The following SGSM2 variants were observed in gnomAD, a reference collection of about 807,000 sequenced individuals.
SGSM2 encodes the protein small G protein signaling modulator 2.
Under a neutral mutation model 126.6 loss-of-function variants are expected in SGSM2, and 89 were observed. That is an observed-to-expected ratio of 0.70 (90% CI 0.59 to 0.84). SGSM2 has a LOEUF of 0.84. SGSM2 is among the 40% of genes least tolerant of loss of function. The probability of loss-of-function intolerance (pLI) is 0.00; values close to 1 mark genes in which losing one functional copy is unlikely to be tolerated. For missense variants in SGSM2, 1,404 were observed against 1,416.6 expected (o/e 0.99, Z 0.14); for synonymous variants, 614 against 574.3 (o/e 1.07, Z -0.99).
Position 2,380,329 on chromosome 17 carries a change from C to T in SGSM2, c.*809C>T, listed in dbSNP as rs564365810. The T allele has an allele frequency of 1.4e-5, 22 of 1,534,126 alleles. No individual in the cohort carries two copies. The highest frequency in any genetic ancestry group is 9.8e-5 in the Admixed American group (5 of 50,996). ...GCCAGTGGATGATCTGGAATGCGAC[C>T]GGAGCACTTGCTCTGAGGAATCCCA... On this transcript the variant is annotated 3_prime_UTR_variant, in exon 24 of 24. Transcript: ENST00000268989.
intron 2 of SGSM2, among the ~76,000 whole-genome samples, chr17:2,354,104 C>G (rs576634499): frequency 2.2e-4 from 33 of 152,184 alleles, no homozygotes; most frequent in African/African-American, 7.5e-4. Flanking sequence ...ATGGGGTCTC[C>G]CTGTGTTGCC....
rs1212702740 is a variant in SGSM2, at chr17:2,379,764, C to T, written c.*244C>T. On this transcript the variant is annotated 3_prime_UTR_variant, in exon 24 of 24. Coordinates refer to ENST00000268989, the MANE Select transcript of SGSM2 (RefSeq NM_014853.3). ...CTCAGGGAGCAGCTGCCTTGGGGGACACACCTACTCTGCTCCCCTCTCACA... is the reference window on the plus strand; with the variant it reads ...CTCAGGGAGCAGCTGCCTTGGGGGATACACCTACTCTGCTCCCCTCTCACA... The T allele has an allele frequency of 1.4e-6, 2 of 1,382,828 alleles. No individual in the cohort carries two copies. Among genetic ancestry groups the T allele is most frequent in the Admixed American group, 5.9e-5 (2 of 33,852 alleles). The allele number at this position is 1,382,828 out of a possible 1,614,324, so 85.7% of individuals were successfully genotyped here.
Position 2,379,929 on chromosome 17 carries a change from T to C in SGSM2, c.*409T>C. On this transcript the variant is annotated 3_prime_UTR_variant, in exon 24 of 24. Transcript: ENST00000268989. ...TGGGGTGGCAGAGGGCGAGAGGCTC[T>C]GTGCTGTGTCCCTTCTGAGGGTCCC... 1 of 1,319,100 alleles carries C rather than the reference T, an allele frequency of 7.6e-7. No homozygotes were observed. The highest frequency in any genetic ancestry group is 3.4e-5 in the Admixed American group (1 of 29,550). 81.7% of individuals were successfully genotyped at this position (1,319,100 alleles called of 1,614,324 possible).
intron 19 of SGSM2, 46 bp downstream of exon 19, chr17:2,376,307 C>CGCACTCG (rs200098096): frequency 1.9e-6 from 3 of 1,610,776 alleles, no homozygotes; most frequent in Admixed American, 3.3e-5. Flanking sequence ...GACCCTGCCG[C>CGCACTCG]CAGTTACTCT....
chr17:2,350,528 T>A (rs1323856144), intron 2 of SGSM2, among the ~76,000 whole-genome samples: 1 of 151,786 alleles, frequency 6.6e-6, no homozygotes, highest in Non-Finnish European at 1.5e-5. Flanking sequence ...GAGAATCGCT[T>A]GAACCCAGGT....
chr17:2,373,471 C>T lies in SGSM2; in HGVS notation c.2058C>T (p.His686=), dbSNP rs150892453. Residue 686 remains histidine, a synonymous_variant, in exon 17 of 24, where the codon CAC becomes CAT. Coordinates refer to ENST00000268989, the MANE Select transcript of SGSM2 (RefSeq NM_014853.3). ...CCTCAGGCAGCAGCATCGACAGCCA[C>T]GTGCAGCGCCTCATCCACCGAGACT... ...KFSSGSSIDS[H]VQRLIHRDST... The T allele has an allele frequency of 2.3e-4, 360 of 1,587,830 alleles. 1 individual carries two copies. In the East Asian group the frequency reaches 2.4e-3, roughly 11 times the overall value.
At chr17:2,361,170 G>T (rs764884461) in intron 2 of SGSM2, among the ~76,000 whole-genome samples, 1 of 152,232 alleles carries the variant, frequency 6.6e-6, no homozygotes, top group Non-Finnish European at 1.5e-5. Context: ...CAGTCCAGCG[G>T]CCACTGTCGG....
intron 18 of SGSM2, 42 bp downstream of exon 18, chr17:2,375,917 G>A (rs569892231): frequency 2.7e-6 from 4 of 1,509,256 alleles, no homozygotes; most frequent in South Asian, 2.6e-5. Context: ...CGCCCCAGAG[G>A]CCCTCCTGAC....
At chr17:2,358,873 G>GTTTTTGTTTTTT (rs1567817339) in intron 2 of SGSM2, among the ~76,000 whole-genome samples, 2 of 88,214 alleles carry the variant, frequency 2.3e-5, no homozygotes, top group African/African-American at 4.6e-5. Context: ...TGTTGTTGTT[G>GTTTTTGTTTTTT]TTTTTTTTTT....
At position 2,365,283 on chromosome 17, in the gene SGSM2, G is replaced by T. The variant is rs140919272; in HGVS notation, c.1230G>T (p.Thr410=). The change falls in exon 11 of 24, where the codon ACG becomes ACT. Residue 410 remains threonine, a synonymous_variant. Coordinates refer to ENST00000268989, the MANE Select transcript of SGSM2 (RefSeq NM_014853.3). The part of the protein sequence containing the change: ...IRSVDMEEMG[T]GRATDYVFRI... ...CCGTGGATATGGAGGAGATGGGCAC[G>T]GGGCGGGCCACCGACTATGTGTTCC... is the stretch of plus-strand genomic sequence containing the variant. 1.3e-6 allele frequency: 2 copies of T among 1,598,574 alleles called. No homozygotes were observed. Among genetic ancestry groups the T allele is most frequent in the Non-Finnish European group, 1.7e-6 (2 of 1,172,594 alleles).
intron 12 of SGSM2, among the ~76,000 whole-genome samples, chr17:2,368,426 A>C (rs1375565150): frequency 1.3e-5 from 2 of 152,150 alleles, no homozygotes; most frequent in East Asian, 3.9e-4. Context: ...CCCATGCTAC[A>C]AAATCAATTG....
Position 2,380,135 on chromosome 17 carries a change from C to T in SGSM2, c.*615C>T. On this transcript the variant is annotated 3_prime_UTR_variant, in exon 24 of 24. Coordinates refer to ENST00000268989, the MANE Select transcript of SGSM2 (RefSeq NM_014853.3). ...ATGTGGGCCCTGGGTGGGAGCAGCC[C>T]ACTTCAGCAGCACTGCCACTGCCTT... 7.0e-7 allele frequency: 1 copy of T among 1,437,028 alleles called. No homozygotes were observed. The allele number at this position is 1,437,028 out of a possible 1,614,324, so 89.0% of individuals were successfully genotyped here. A position where few individuals can be genotyped will look rare whatever the true frequency, so the allele number is the denominator to read the frequency against.
chr17:2,379,239 C>G (rs777209471), intron 23 of SGSM2, 36 bp downstream of exon 23: 2 of 1,610,702 alleles, frequency 1.2e-6, no homozygotes, highest in South Asian at 2.2e-5. Flanking sequence ...CTGCCCTGAG[C>G]AGAGGTGTGG....
Position 2,343,309 on chromosome 17 carries a change from A to G in SGSM2, c.58-236A>G, listed in dbSNP as rs533599183. Reference sequence around the variant, plus strand: ...AGGGCACTTCCACCTGGGCTGGAACATGCACTGATTGTTTGATGGGTTTTT... The same window carrying G: ...AGGGCACTTCCACCTGGGCTGGAACGTGCACTGATTGTTTGATGGGTTTTT... On this transcript the variant is annotated intron_variant, in intron 1 of 23. Transcript: ENST00000268989. Among the ~76,000 whole-genome samples the G allele has an allele frequency of 2.6e-5, 4 of 152,270 alleles. No individual in the cohort carries two copies. The East Asian group carries it at 5.8e-4, about 22-fold the overall frequency.
intron 2 of SGSM2, among the ~76,000 whole-genome samples, chr17:2,344,871 C>T (rs886084477): frequency 6.6e-6 from 1 of 152,120 alleles, no homozygotes; most frequent in Admixed American, 6.5e-5. Context: ...ATGATTCCCA[C>T]CTCAAGGAAC....
In SGSM2 at chr17:2,380,382, T is replaced by A. The variant is rs1041258311; in HGVS notation, c.*862T>A. The A allele has an allele frequency of 2.2e-6, 3 of 1,336,802 alleles. No individual in the cohort carries two copies. The highest frequency in any genetic ancestry group is 3.1e-6 in the Non-Finnish European group (3 of 966,388). 82.8% of individuals were successfully genotyped at this position (1,336,802 alleles called of 1,614,324 possible). ...GTGACTCTGTCGGGGAAGAATCCGG[T>A]CACAGCCTCCCCTCAGAGACAGGCC... On this transcript the variant is annotated 3_prime_UTR_variant, in exon 24 of 24. Transcript: ENST00000268989.
At position 2,368,466 on chromosome 17, in the gene SGSM2, T is replaced by C. The variant is rs2065698093; in HGVS notation, c.1423+1061T>C. On this transcript the variant is annotated intron_variant, in intron 12 of 23. Coordinates refer to ENST00000268989, the MANE Select transcript of SGSM2 (RefSeq NM_014853.3). ...TCCCTTTCCCCGCCCCTGCAGAGGA[T>C]GTCCTCAGAATATGTCACACTCCCC... Among the ~76,000 whole-genome samples the C allele has an allele frequency of 1.3e-5, 2 of 152,142 alleles. 1 individual carries two copies. Among genetic ancestry groups the C allele is most frequent in the South Asian group, 4.1e-4 (2 of 4,826 alleles).
intron 18 of SGSM2, 122 bp downstream of exon 18, chr17:2,375,997 G>A: frequency 6.6e-7 from 1 of 1,515,838 alleles, no homozygotes; most frequent in Non-Finnish European, 8.8e-7. Context: ...AGGGAGTTCT[G>A]AGCCCATTTC....
At position 2,363,088 on chromosome 17, in the gene SGSM2, G is replaced by A. The variant is rs781651976; in HGVS notation, c.626G>A (p.Gly209Asp). The A allele has an allele frequency of 6.2e-7, 1 of 1,613,184 alleles. No individual in the cohort carries two copies. The highest frequency in any genetic ancestry group is 8.5e-7 in the Non-Finnish European group (1 of 1,179,830). ...DELVQRHRIRGPPTRQDSPAK... is the reference protein window; with the variant it reads ...DELVQRHRIRDPPTRQDSPAK... ...CTGGTCCAGCGGCACCGCATCCGGG[G>A]TCCACCTACTCGCCAGGACTCCCCT... The change falls in exon 6 of 24, where the codon GGT (glycine) becomes GAT (aspartate). Residue 209 changes from glycine to aspartate, a missense_variant. Gly to Asp is a moderately conservative substitution (Grantham distance 94). Coordinates refer to ENST00000268989, the MANE Select transcript of SGSM2 (RefSeq NM_014853.3). The surrounding 1 kb of genome is among the most constrained non-coding windows in gnomAD (Gnocchi z 4.2).
Sources: allele counts gnomAD v4.1 joint callset (sites outside exome capture counted in the v4.1 genomes callset), GRCh38; gene constraint gnomAD v4.1.1; non-coding constraint Gnocchi (gnomAD v3.1); transcripts MANE v1.5; gene names NCBI Gene and HGNC (gene_info 2026-07-23, HGNC 2026-07-21).